Variants in RBM26 observed in about 807,000 individuals in gnomAD.
The protein encoded by RBM26 is RNA binding motif protein 26.
A neutral mutation model predicts 123.6 loss-of-function variants in RBM26; 30 were observed. That is an observed-to-expected ratio of 0.24 (90% confidence interval 0.18 to 0.33). The LOEUF (loss-of-function observed/expected upper bound fraction) is 0.33, where lower values mean the gene tolerates loss of function less well. Among genes scored for constraint, RBM26 ranks in the 10% least tolerant of loss-of-function variants. The probability of loss-of-function intolerance (pLI) is 1.00; values close to 1 mark genes in which losing one functional copy is unlikely to be tolerated. For missense variants in RBM26, 947 were observed against 1,203.6 expected, an observed-to-expected ratio of 0.79 and a Z score of 3.15; for synonymous variants, 400 against 404.4, an observed-to-expected ratio of 0.99 and a Z score of 0.13.
At chr13:79,386,417 TAA>T (rs5805029) in intron 1 of RBM26, among the ~76,000 whole-genome samples, 1 of 132,340 alleles carries the variant, frequency 7.6e-6, no homozygotes, top group Non-Finnish European at 1.6e-5. Flanking sequence ...CTAAATTAAA[TAA>T]AAAAAAAAAA....
At chr13:79,372,791 A>AT (rs1238963591) in intron 3 of RBM26, among the ~76,000 whole-genome samples, 109 of 2,598 alleles carry the variant, frequency 0.042, 1 homozygote, top group Non-Finnish European at 0.26. Context: ...TATATGATAT[A>AT]TATTATAATT....
At chr13:79,380,377 G>A (rs1425748610) in intron 1 of RBM26, among the ~76,000 whole-genome samples, 1 of 151,940 alleles carries the variant, frequency 6.6e-6, no homozygotes, top group East Asian at 1.9e-4. Flanking sequence ...ATTTGTGTTG[G>A]GGGAGAAGAG....
At chr13:79,386,658 GTT>G (rs71204717) in intron 1 of RBM26, among the ~76,000 whole-genome samples, 12 of 133,262 alleles carry the variant, frequency 9.0e-5, no homozygotes, top group South Asian at 2.4e-4. Flanking sequence ...CATATTTAGG[GTT>G]TTTTTTTTTT....
downstream of RBM26, among the ~76,000 whole-genome samples, chr13:79,316,414 A>G (rs201485876): frequency 5.0e-4 from 2 of 3,984 alleles, no homozygotes; most frequent in Admixed American, 0.011. Flanking sequence ...TTGAACCCTT[A>G]TAAGCCAACA....
At chr13:79,325,102 C>T (rs1005308914) in intron 20 of RBM26, among the ~76,000 whole-genome samples, 2 of 152,040 alleles carry the variant, frequency 1.3e-5, no homozygotes, top group South Asian at 2.1e-4. Flanking sequence ...TGTAAACAAA[C>T]CGATTGTGCT....
intron 21 of RBM26, among the ~76,000 whole-genome samples, chr13:79,321,120 T>C (rs1185698853): frequency 6.6e-6 from 1 of 151,556 alleles, no homozygotes; most frequent in Admixed American, 6.6e-5. Flanking sequence ...AGATTTATAT[T>C]TATATTTATT....
In RBM26 at chr13:79,399,184, C is replaced by T. The variant is rs141487009; in HGVS notation, c.71+6520G>A. Reference sequence around the variant, plus strand: ...CAGCTTTCTGGAAGAACTGGAATCACACTTGATCTTTGACTTCAACACAAA... The same window carrying T: ...CAGCTTTCTGGAAGAACTGGAATCATACTTGATCTTTGACTTCAACACAAA... On this transcript the variant is annotated intron_variant, in intron 1 of 21. Coordinates refer to ENST00000438737, the MANE Select transcript of RBM26 (RefSeq NM_001366735.2). Among the ~76,000 whole-genome samples the T allele has an allele frequency of 3.8e-3, 583 of 152,278 alleles. 16 individuals are homozygous for T. Among genetic ancestry groups the T allele is most frequent in the Admixed American group, 0.032 (486 of 15,288 alleles).
downstream of RBM26, among the ~76,000 whole-genome samples, chr13:79,315,328 CATGAACAA>C (rs2067046990): frequency 6.6e-6 from 1 of 151,802 alleles, no homozygotes; most frequent in African/African-American, 2.4e-5. Context: ...TTTAGGAAAT[CATGAACAA>C]ATTCCAAGAT....
chr13:79,367,717 C>T (rs1379591120), intron 6 of RBM26, among the ~76,000 whole-genome samples: 1 of 152,106 alleles, frequency 6.6e-6, no homozygotes, highest in African/African-American at 2.4e-5. Flanking sequence ...GATGCTGGCA[C>T]TACACTTTTT....
intron 6 of RBM26, 25 bp downstream of exon 6, chr13:79,368,705 T>C (rs769936985): frequency 5.6e-6 from 9 of 1,598,094 alleles, no homozygotes; most frequent in Non-Finnish European, 6.8e-6. Flanking sequence ...AATTAAATAC[T>C]TTATCAAACA....
At chr13:79,397,770 T>C (rs1187448469) in intron 1 of RBM26, among the ~76,000 whole-genome samples, 1 of 149,826 alleles carries the variant, frequency 6.7e-6, no homozygotes, top group East Asian at 1.9e-4. Flanking sequence ...AGAAGAAAAT[T>C]CCACAGAATC....
intron 19 of RBM26, among the ~76,000 whole-genome samples, chr13:79,336,344 A>G (rs1032319306): frequency 9.9e-5 from 15 of 152,184 alleles, no homozygotes; most frequent in African/African-American, 3.4e-4. Flanking sequence ...TCTGTGTTAA[A>G]CTGATACATG....
intron 5 of RBM26, among the ~76,000 whole-genome samples, chr13:79,370,041 G>A (rs11619053): frequency 1.3e-4 from 20 of 152,146 alleles, no homozygotes; most frequent in Non-Finnish European, 2.6e-4. Context: ...TGGGCACAGT[G>A]GCTCAGGCCT....
At chr13:79,351,693 A>G (rs1415532426) in intron 14 of RBM26, among the ~76,000 whole-genome samples, 1 of 152,212 alleles carries the variant, frequency 6.6e-6, no homozygotes, top group Non-Finnish European at 1.5e-5. Flanking sequence ...AAACGAGCAG[A>G]AAAGTACTCC....
chr13:79,346,520 G>A (rs1242561759), intron 14 of RBM26, among the ~76,000 whole-genome samples: 1 of 151,892 alleles, frequency 6.6e-6, no homozygotes, highest in Non-Finnish European at 1.5e-5. Flanking sequence ...CCTCAGCCGC[G>A]CACCACCACA....
At chr13:79,323,876 T>C (rs1341497692) in intron 20 of RBM26, among the ~76,000 whole-genome samples, 1 of 151,800 alleles carries the variant, frequency 6.6e-6, no homozygotes, top group Non-Finnish European at 1.5e-5. Flanking sequence ...AACTGAGTTT[T>C]TGCTTTGTAA....
chr13:79,320,768 A>G lies in RBM26; in HGVS notation c.2935-58T>C, dbSNP rs1177961063. Reference sequence around the variant, plus strand: ...AAAAAAAAAAAAAAGAAAAGAAAAAAAAGGTGACACTTTTAAATACTCATC... The same window carrying G: ...AAAAAAAAAAAAAAGAAAAGAAAAAGAAGGTGACACTTTTAAATACTCATC... On this transcript the variant is annotated intron_variant, in intron 21 of 21. Transcript: ENST00000438737. 2.1e-6 allele frequency: 3 copies of G among 1,406,524 alleles called. No individual in the cohort carries two copies. The Admixed American group carries it at 7.6e-5, about 36-fold the overall frequency. The allele number at this position is 1,406,524 out of a possible 1,614,324, so 87.1% of individuals were successfully genotyped here. A position where few individuals can be genotyped will look rare whatever the true frequency, so the allele number is the denominator to read the frequency against.
At chr13:79,354,966 C>G (rs572330802) in intron 12 of RBM26, among the ~76,000 whole-genome samples, 2 of 152,184 alleles carry the variant, frequency 1.3e-5, no homozygotes, top group Non-Finnish European at 2.9e-5. Flanking sequence ...GCTGAGTACT[C>G]CTATCTGCCA....
chr13:79,329,354 T>G (rs376727214), intron 20 of RBM26, among the ~76,000 whole-genome samples: 56 of 150,038 alleles, frequency 3.7e-4, no homozygotes, highest in African/African-American at 1.2e-3. Context: ...TATATGTATG[T>G]TTTTTTTTCA....
Sources: allele counts gnomAD v4.1 joint callset (sites outside exome capture counted in the v4.1 genomes callset), GRCh38; gene constraint gnomAD v4.1.1; transcripts MANE v1.5; gene names NCBI Gene and HGNC (gene_info 2026-07-23, HGNC 2026-07-21).